The following FAM78B variants were observed in gnomAD, a reference collection of about 807,000 sequenced individuals.
FAM78B encodes protein FAM78B.
In FAM78B, 10 loss-of-function variants were observed where a neutral mutation model predicts 20.0. The ratio of observed to expected loss-of-function variants is 0.50; its 90% CI spans 0.31 to 0.85. The LOEUF is 0.85. Ranked by LOEUF, FAM78B falls within the 40% of genes least tolerant of loss-of-function variation. FAM78B has a pLI of 0.05. For synonymous variants in FAM78B, 135 were observed against 132.8 expected (o/e 1.02, Z -0.12); for missense variants, 283 against 345.0 (o/e 0.82, Z 1.42).
At position 166,166,288 on chromosome 1, in the gene FAM78B, G is replaced by C; in HGVS notation, c.-40C>G. ...CCGGCACGGCGCGGCGTGGGGCAGC[G>C]CGGGGGCCCGCGCGGGCAGCCGGGG... On this transcript the variant is annotated 5_prime_UTR_variant, in exon 1 of 2. Transcript: ENST00000354422. 1 of 1,207,076 alleles carries C rather than the reference G, an allele frequency of 8.3e-7. No homozygotes were observed. The highest frequency in any genetic ancestry group is 1.0e-6 in the Non-Finnish European group (1 of 971,308). 74.8% of individuals were successfully genotyped at this position (1,207,076 alleles called of 1,614,324 possible). A position where few individuals can be genotyped will look rare whatever the true frequency, so the allele number is the denominator to read the frequency against.
chr1:166,134,420 ATCT>A (rs1654994175), intron 1 of FAM78B, among the ~76,000 whole-genome samples: 1 of 152,120 alleles, frequency 6.6e-6, no homozygotes, highest in African/African-American at 2.4e-5. Flanking sequence ...CAGGTTTCCC[ATCT>A]TATGGTTGGG....
chr1:166,122,281 G>C (rs910427042), intron 1 of FAM78B, among the ~76,000 whole-genome samples: 1 of 152,132 alleles, frequency 6.6e-6, no homozygotes, highest in Non-Finnish European at 1.5e-5. Context: ...CAGCCTGAAA[G>C]CAGGAGAGAT....
At position 166,166,203 on chromosome 1, in the gene FAM78B, C is replaced by T; in HGVS notation, c.46G>A (p.Glu16Lys). The T allele has an allele frequency of 1.9e-6, 3 of 1,578,384 alleles. No homozygotes were observed. The highest frequency in any genetic ancestry group is 2.6e-6 in the Non-Finnish European group (3 of 1,160,980). ...CACACATCGTACACCACGATGTTCTCGCGCCGGATCCGCGCCTTGCAGGTG... is the reference window on the plus strand; with the variant it reads ...CACACATCGTACACCACGATGTTCTTGCGCCGGATCCGCGCCTTGCAGGTG... ...SITCKARIRR[E>K]NIVVYDVCAT... The change falls in exon 1 of 2, where the codon GAG (glutamate) becomes AAG (lysine). Residue 16 changes from glutamate (E) to lysine (K), a missense_variant. Physicochemically the swap from Glu to Lys is moderately conservative, Grantham distance 56. Coordinates refer to ENST00000354422, the MANE Select transcript of FAM78B (RefSeq NM_001017961.5).
intron 1 of FAM78B, among the ~76,000 whole-genome samples, chr1:166,159,902 G>C: frequency 6.6e-6 from 1 of 152,226 alleles, no homozygotes; most frequent in East Asian, 1.9e-4. Flanking sequence ...AGATGGAGGA[G>C]ATTAAAGGCA....
intron 1 of FAM78B, among the ~76,000 whole-genome samples, chr1:166,159,736 C>T (rs767128290): frequency 9.2e-5 from 14 of 152,158 alleles, no homozygotes; most frequent in Non-Finnish European, 2.1e-4. Flanking sequence ...TGTTAACTTC[C>T]CATTTGTTTC....
At chr1:166,126,552 G>T (rs913960417) in intron 1 of FAM78B, among the ~76,000 whole-genome samples, 6 of 152,070 alleles carry the variant, frequency 3.9e-5, no homozygotes, top group Admixed American at 2.6e-4. Flanking sequence ...TTGGCCATCT[G>T]GGGGAGGGGC....
chr1:166,159,152 T>C (rs6676350), intron 1 of FAM78B, among the ~76,000 whole-genome samples: 136,190 of 152,306 alleles, frequency 0.89, 61,977 homozygotes, highest in Non-Finnish European at 0.99. Context: ...AGGTGCATGA[T>C]GACAGTAACA....
chr1:166,139,297 G>T (rs1398073133), intron 1 of FAM78B, among the ~76,000 whole-genome samples: 1 of 152,166 alleles, frequency 6.6e-6, no homozygotes, highest in Non-Finnish European at 1.5e-5. Flanking sequence ...CCTATCAGTA[G>T]AAGAATTCCA....
At chr1:166,095,966 G>A (rs1344637642) in intron 1 of FAM78B, among the ~76,000 whole-genome samples, 1 of 152,106 alleles carries the variant, frequency 6.6e-6, no homozygotes, top group Non-Finnish European at 1.5e-5. Context: ...GGAAATGGCA[G>A]CACCTAAAAA....
At chr1:166,083,315 T>C (rs1271880000) in intron 1 of FAM78B, among the ~76,000 whole-genome samples, 5 of 152,178 alleles carry the variant, frequency 3.3e-5, no homozygotes, top group South Asian at 2.1e-4. Flanking sequence ...CAGAATTACA[T>C]AGAATGAATA....
rs139788169 is a variant in FAM78B, at chr1:166,098,402, T to C, written c.264-27639A>G. On this transcript the variant is annotated intron_variant, in intron 1 of 1. Coordinates refer to ENST00000354422, the MANE Select transcript of FAM78B (RefSeq NM_001017961.5). The stretch of plus-strand genomic sequence containing the variant: ...CCAAACGAAGAAGAAACACCTGATT[T>C]ACCTGAGAAAGAATTCAGAAGGTTA... 1.1e-3 allele frequency among the ~76,000 whole-genome samples: 160 copies of C among 152,252 alleles called. 1 individual carries two copies. The highest frequency in any genetic ancestry group is 3.7e-3 in the African/African-American group (155 of 41,544).
intron 1 of FAM78B, among the ~76,000 whole-genome samples, chr1:166,163,326 A>C (rs1656232143): frequency 6.6e-6 from 1 of 152,350 alleles, no homozygotes; most frequent in African/African-American, 2.4e-5. Context: ...GTTCAAATTA[A>C]GCTCTGGCCA....
At chr1:166,066,791 T>C (rs970632117), downstream of FAM78B, among the ~76,000 whole-genome samples, 1 of 151,966 alleles carries the variant, frequency 6.6e-6, no homozygotes, top group Non-Finnish European at 1.5e-5. Flanking sequence ...AAACAGGGAG[T>C]TGTAAAAAGG....
rs866606962 is a variant in FAM78B, at chr1:166,109,900, A to G, written c.264-39137T>C. The stretch of plus-strand genomic sequence containing the variant: ...TATATATGTATATATGTATATATAT[A>G]TATATATATATATATATATAATGGA... On this transcript the variant is annotated intron_variant, in intron 1 of 1. Coordinates refer to ENST00000354422, the MANE Select transcript of FAM78B (RefSeq NM_001017961.5). Among the ~76,000 whole-genome samples, 92 of 102,770 alleles carry G rather than the reference A, an allele frequency of 9.0e-4. 7 individuals carry two copies. Among genetic ancestry groups the G allele is most frequent in the African/African-American group, 2.5e-3 (76 of 30,990 alleles). The allele number at this position is 102,770 out of a possible 152,430, so 67.4% of individuals were successfully genotyped here.
chr1:166,114,815 T>C (rs1654197119), intron 1 of FAM78B, among the ~76,000 whole-genome samples: 2 of 152,210 alleles, frequency 1.3e-5, no homozygotes, highest in Non-Finnish European at 2.9e-5. Context: ...TGTTCTCTTT[T>C]TCCTTCCCAA....
chr1:166,162,902 C>T (rs1335996808), intron 1 of FAM78B, among the ~76,000 whole-genome samples: 1 of 152,170 alleles, frequency 6.6e-6, no homozygotes, highest in East Asian at 1.9e-4. Flanking sequence ...CTCCTCCTTG[C>T]CTACCTGAAT....
chr1:166,077,900 T>A (rs1472451132), intron 1 of FAM78B, among the ~76,000 whole-genome samples: 41 of 3,810 alleles, frequency 0.011, no homozygotes, highest in South Asian at 0.045. Flanking sequence ...TATATATAAT[T>A]TATATATATA....
chr1:166,060,426 A>G, exon 3 of FAM78B: 1 of 413,746 alleles, frequency 2.4e-6, no homozygotes. Context: ...CCCATGGGCC[A>G]AGCAGGCAGC....
intron 1 of FAM78B, among the ~76,000 whole-genome samples, chr1:166,110,294 G>T (rs113430431): frequency 6.6e-6 from 1 of 151,856 alleles, no homozygotes; most frequent in Non-Finnish European, 1.5e-5. Context: ...AGAGAATGGG[G>T]ATTTATCACT....
Sources: gnomAD v4.1 joint callset for allele counts (sites outside exome capture counted in the v4.1 genomes callset) on GRCh38, gnomAD v4.1.1 for gene constraint, MANE v1.5 for transcripts, NCBI Gene and HGNC (gene_info 2026-07-23, HGNC 2026-07-21) for gene names.